The following KCNMA1 variants were observed in gnomAD, a reference collection of about 807,000 sequenced individuals.
The protein encoded by KCNMA1 is Calcium-activated potassium channel subunit alpha-1.
Under a neutral mutation model 140.0 loss-of-function variants are expected in KCNMA1, and 29 were observed. That is an observed-to-expected ratio of 0.21 (90% CI 0.15 to 0.28). The LOEUF is 0.28. Ranked by LOEUF, KCNMA1 falls within the 10% of genes least tolerant of loss-of-function variation. The pLI is 1.00. For missense variants in KCNMA1, 880 were observed against 1,602.2 expected (o/e 0.55, Z 7.70); for synonymous variants, 612 against 611.9 (o/e 1.00, Z 0.00).
At chr10:77,135,191 T>A (rs1224838581) in intron 5 of KCNMA1, among the ~76,000 whole-genome samples, 9 of 151,888 alleles carry the variant, frequency 5.9e-5, no homozygotes, top group Non-Finnish European at 1.3e-4. Context: ...AGGACCTGAA[T>A]AGACATTTCG....
chr10:77,313,811 T>C (rs2080017499), intron 2 of KCNMA1: 1 of 152,236 alleles, frequency 6.6e-6, no homozygotes, highest in Non-Finnish European at 1.5e-5. Context: ...TCAAAAACTT[T>C]ATCTGTGAGC....
chr10:77,128,219 C>T (rs1284167469), intron 5 of KCNMA1, among the ~76,000 whole-genome samples: 1 of 151,810 alleles, frequency 6.6e-6, no homozygotes, highest in African/African-American at 2.4e-5. Context: ...ATTTTGTATA[C>T]CATATATTAT....
intron 2 of KCNMA1, among the ~76,000 whole-genome samples, chr10:77,348,497 G>GTCCCAAAAAAAGAT (rs1212921077): frequency 1.3e-5 from 2 of 152,198 alleles, no homozygotes; most frequent in Non-Finnish European, 2.9e-5. Context: ...GATGGAACCA[G>GTCCCAAAAAAAGAT]GGAAAGGAGG....
At chr10:77,190,582 A>G (rs2098931233) in intron 3 of KCNMA1, among the ~76,000 whole-genome samples, 1 of 152,186 alleles carries the variant, frequency 6.6e-6, no homozygotes, top group Non-Finnish European at 1.5e-5. Context: ...GGGTTGACTG[A>G]TTCATAAATC....
At chr10:77,562,265 A>G (rs1603636697) in intron 1 of KCNMA1, among the ~76,000 whole-genome samples, 1 of 152,368 alleles carries the variant, frequency 6.6e-6, no homozygotes, top group South Asian at 2.1e-4. Flanking sequence ...ACCAGGGACC[A>G]TACAAGCTTC....
In KCNMA1 at chr10:77,290,087, G is replaced by C. The variant is rs533002315; in HGVS notation, c.541-38831C>G. On this transcript the variant is annotated intron_variant, in intron 2 of 27. Transcript: ENST00000286628. Reference sequence around the variant, plus strand: ...CACAGTTCCACTGATTATAGTGGTGGTTACACGCCTCCATACATTTGTGAA... The same window carrying C: ...CACAGTTCCACTGATTATAGTGGTGCTTACACGCCTCCATACATTTGTGAA... 6.4e-4 allele frequency among the ~76,000 whole-genome samples: 98 copies of C among 152,248 alleles called. 1 individual carries two copies. Among genetic ancestry groups the C allele is most frequent in the Middle Eastern group, 3.4e-3 (1 of 294 alleles).
intron 2 of KCNMA1, among the ~76,000 whole-genome samples, chr10:77,314,967 C>CAT (rs1330724099): frequency 7.3e-6 from 1 of 136,532 alleles, no homozygotes; most frequent in Non-Finnish European, 1.6e-5. Flanking sequence ...CACACACACA[C>CAT]GAAGCAATGT....
At chr10:77,252,417 G>A (rs1050018225) in intron 2 of KCNMA1, among the ~76,000 whole-genome samples, 2 of 152,160 alleles carry the variant, frequency 1.3e-5, no homozygotes, top group Non-Finnish European at 2.9e-5. Flanking sequence ...CAGGCTGAAG[G>A]GCATTGGAAG....
chr10:77,323,103 A>G (rs901562355), intron 2 of KCNMA1, among the ~76,000 whole-genome samples: 1 of 152,132 alleles, frequency 6.6e-6, no homozygotes, highest in African/African-American at 2.4e-5. Context: ...TCCTCATTTT[A>G]AAAAAGGGAA....
rs1162318311 is a variant in KCNMA1 at position 77,041,151 on chromosome 10, CTTTTTTTTTTTTTTTT to C, written c.1750-1530_1750-1515del. 1.3e-3 allele frequency among the ~76,000 whole-genome samples: 2 copies of C among 1,582 alleles called. 1 individual carries two copies. The highest frequency in any genetic ancestry group is 0.013 in the Admixed American group (2 of 156). 1.0% of individuals were successfully genotyped at this position (1,582 alleles called of 152,430 possible). Reference sequence around the variant, plus strand: ...TGTGCACCACCATGCCTGGCTAATTCTTTTTTTTTTTTTTTTTTTTTTTTTTTTTTTGAGACGGAGT... The same window carrying C: ...TGTGCACCACCATGCCTGGCTAATTCTTTTTTTTTTTTTTTGAGACGGAGT... On this transcript the variant is annotated intron_variant, in intron 14 of 27. Coordinates refer to ENST00000286628, the MANE Select transcript of KCNMA1 (RefSeq NM_001161352.2).
chr10:76,941,262 A>T (rs1335886297), intron 23 of KCNMA1, among the ~76,000 whole-genome samples: 2 of 152,114 alleles, frequency 1.3e-5, no homozygotes, highest in Non-Finnish European at 1.5e-5. Context: ...TGTTCCCCAT[A>T]ATCCCTATTC....
At chr10:77,209,911 A>T (rs1331597679) in intron 3 of KCNMA1, among the ~76,000 whole-genome samples, 2 of 149,950 alleles carry the variant, frequency 1.3e-5, no homozygotes, top group South Asian at 2.1e-4. Flanking sequence ...TCAGTAATTT[A>T]AAAAAAACCT....
rs778160713 is a variant in KCNMA1, at chr10:77,073,093, T to C, written c.1749+4A>G. ...TAATGTGCTCTAATAAGACGAGACG[T>C]TACCTTTATGAATGACCTCATGGAG... On this transcript the variant is annotated splice_donor_region_variant and intron_variant, in intron 14 of 27. Transcript: ENST00000286628. 1 of 1,613,974 alleles carries C rather than the reference T, an allele frequency of 6.2e-7. No individual in the cohort carries two copies. Among genetic ancestry groups the C allele is most frequent in the Non-Finnish European group, 8.5e-7 (1 of 1,179,878 alleles).
At chr10:77,365,691 C>T (rs1051308466) in intron 2 of KCNMA1, among the ~76,000 whole-genome samples, 2 of 152,094 alleles carry the variant, frequency 1.3e-5, no homozygotes, top group Admixed American at 6.5e-5. Flanking sequence ...TTTATAGTGC[C>T]GCTTTCACCT....
chr10:77,146,257 T>TC (rs1202703405), intron 5 of KCNMA1, among the ~76,000 whole-genome samples: 2 of 152,024 alleles, frequency 1.3e-5, no homozygotes, highest in African/African-American at 4.8e-5. Context: ...TGCCTAAAAT[T>TC]CCCCCATAAG....
chr10:77,607,839 G>A (rs1157646799), intron 1 of KCNMA1, among the ~76,000 whole-genome samples: 1 of 152,134 alleles, frequency 6.6e-6, no homozygotes, highest in Admixed American at 6.6e-5. Context: ...CTATGTTTGT[G>A]GTCGTTACAG....
At chr10:77,331,067 C>A (rs759411370) in intron 2 of KCNMA1, among the ~76,000 whole-genome samples, 1 of 152,232 alleles carries the variant, frequency 6.6e-6, no homozygotes, top group Admixed American at 6.5e-5. Flanking sequence ...AACACACTGG[C>A]TCCAGTCTAA....
intron 15 of KCNMA1, among the ~76,000 whole-genome samples, chr10:77,036,962 T>C (rs917214203): frequency 1.6e-4 from 25 of 152,244 alleles, no homozygotes; most frequent in African/African-American, 5.8e-4. Context: ...TGCTGTATCA[T>C]TGTATTAAAC....
intron 25 of KCNMA1, chr10:76,901,194 A>G (rs1429530887): frequency 6.6e-6 from 1 of 152,156 alleles, no homozygotes; most frequent in African/African-American, 2.4e-5. Context: ...ATAATTCTGT[A>G]TTTATCCATC....
Sources: gnomAD v4.1 joint callset for allele counts (sites outside exome capture counted in the v4.1 genomes callset) on GRCh38, gnomAD v4.1.1 for gene constraint, MANE v1.5 for transcripts, NCBI Gene and HGNC (gene_info 2026-07-23, HGNC 2026-07-21) for gene names.